SYNM: variants seen among roughly 807,000 people sequenced by gnomAD.
SYNM encodes desmuslin.
A neutral mutation model predicts 104.0 loss-of-function variants in SYNM; 95 were observed. The ratio of observed to expected loss-of-function variants is 0.91; its 90% CI spans 0.77 to 1.08. SYNM has a LOEUF of 1.08. SYNM is among the 50% of genes least tolerant of loss of function. The pLI, the probability that SYNM is intolerant of heterozygous loss-of-function variation, is 0.00. For missense variants in SYNM, 2,150 were observed against 2,052.2 expected, an observed-to-expected ratio of 1.05 and a Z score of -0.92; for synonymous variants, 918 against 869.0, an observed-to-expected ratio of 1.06 and a Z score of -0.99.
chr15:99,137,702 C>T (rs950415284), downstream of SYNM: 4 of 338,726 alleles, frequency 1.2e-5, no homozygotes, highest in Admixed American at 4.0e-5. Flanking sequence ...CTGCACAGGG[C>T]GCACTGAACT....
intron 1 of SYNM, among the ~76,000 whole-genome samples, chr15:99,112,672 C>T (rs1555483518): frequency 6.6e-6 from 1 of 152,152 alleles, no homozygotes; most frequent in African/African-American, 2.4e-5. Flanking sequence ...CCCTTACTAG[C>T]TGCACTGTGC....
chr15:99,115,419 A>T (rs202166868), intron 2 of SYNM, among the ~76,000 whole-genome samples: 1 of 146,302 alleles, frequency 6.8e-6, no homozygotes, highest in African/African-American at 2.5e-5. Context: ...TTTTTTTTTC[A>T]TTTTTTTTAT....
rs1160698429 is a variant in SYNM at position 99,126,791 on chromosome 15, A to G, written c.1005A>G (p.Ser335=). The G allele has an allele frequency of 6.4e-7, 1 of 1,564,622 alleles. No individual in the cohort carries two copies. The highest frequency in any genetic ancestry group is 1.4e-5 in the African/African-American group (1 of 73,648). Residue 335 remains serine (S), a splice_region_variant and synonymous_variant, in exon 3 of 4, where the codon TCA becomes TCG. Transcript: ENST00000336292. The part of the protein sequence containing the change: ...IWAEHVENMP[S]EFRNKSYHYT... ...CTGAGCACGTTGAAAACATGCCGTC[A>G]GGTAAGTAAAAGCTAATGACTTGAC...
Position 99,116,983 on chromosome 15 carries a change from G to A in SYNM, c.935+3268G>A, listed in dbSNP as rs1227395222. Among the ~76,000 whole-genome samples the A allele has an allele frequency of 1.4e-5, 2 of 143,878 alleles. 1 individual carries two copies. The highest frequency in any genetic ancestry group is 5.0e-5 in the African/African-American group (2 of 40,306). The allele number at this position is 143,878 out of a possible 152,430, so 94.4% of individuals were successfully genotyped here. ...AGCCCCTGTGCCTAGCCGGTGCTGG[G>A]TTCTTTTAAACAACCAGATCTCATG... On this transcript the variant is annotated intron_variant, in intron 2 of 3. Coordinates refer to ENST00000336292, the MANE Select transcript of SYNM (RefSeq NM_145728.3).
Position 99,132,891 on chromosome 15 carries a change from G to A in SYNM, c.4531G>A (p.Glu1511Lys). Residue 1511 changes from glutamate to lysine, a missense_variant, in exon 4 of 4, where the codon GAA becomes AAA. Coordinates refer to ENST00000336292, the MANE Select transcript of SYNM (RefSeq NM_145728.3). ...TGTGAGCTTTAAGGCCTCTGCTGGG[G>A]AAGGAGACCAGGCCCACAGAGAACA... is the stretch of plus-strand genomic sequence containing the variant. ...VGVSFKASAG[E>K]GDQAHREQGK... 1 of 1,613,818 alleles carries A rather than the reference G, an allele frequency of 6.2e-7. No individual in the cohort carries two copies. The highest frequency in any genetic ancestry group is 1.1e-5 in the South Asian group (1 of 91,056).
intron 1 of SYNM, among the ~76,000 whole-genome samples, chr15:99,108,801 T>G (rs906341471): frequency 2.0e-5 from 3 of 152,190 alleles, no homozygotes; most frequent in Non-Finnish European, 4.4e-5. Flanking sequence ...GTTTCTCTCT[T>G]CTGTCTGTTT....
At chr15:99,118,706 T>TA (rs1384893408) in intron 2 of SYNM, among the ~76,000 whole-genome samples, 3 of 152,102 alleles carry the variant, frequency 2.0e-5, no homozygotes, top group Admixed American at 6.5e-5. Flanking sequence ...TATAATTTAA[T>TA]AAAATAAACA....
chr15:99,137,990 G>A, downstream of SYNM: 2 of 1,614,052 alleles, frequency 1.2e-6, no homozygotes, highest in Non-Finnish European at 1.7e-6. Context: ...AATGTCCTAG[G>A]CTTTTTCAGG....
At position 99,113,528 on chromosome 15, in the gene SYNM, A is replaced by G. The variant is rs1205841907; in HGVS notation, c.811-63A>G. 4 of 1,598,480 alleles carry G rather than the reference A, an allele frequency of 2.5e-6. No homozygotes were observed. The African/African-American group carries it at 4.0e-5, about 16-fold the overall frequency. On this transcript the variant is annotated intron_variant, in intron 1 of 3. Transcript: ENST00000336292. Reference sequence around the variant, plus strand: ...TTCAATTCGATCCTGAATTGTTGGTACCTTCAGTTCGACCCAGTAAAGCTC... The same window carrying G: ...TTCAATTCGATCCTGAATTGTTGGTGCCTTCAGTTCGACCCAGTAAAGCTC...
chr15:99,105,673 C>T lies in SYNM; in HGVS notation c.474C>T (p.Arg158=), dbSNP rs782128496. 1 of 1,417,474 alleles carries T rather than the reference C, an allele frequency of 7.1e-7. No individual in the cohort carries two copies. The highest frequency in any genetic ancestry group is 1.5e-5 in the South Asian group (1 of 66,994). 87.8% of individuals were successfully genotyped at this position (1,417,474 alleles called of 1,614,324 possible). Residue 158 remains arginine, a synonymous_variant, in exon 1 of 4, where the codon CGC becomes CGT. Coordinates refer to ENST00000336292, the MANE Select transcript of SYNM (RefSeq NM_145728.3). The part of the protein sequence containing the change: ...HERDVRELRA[R]AASLTMHFRA... ...GCGACGTGAGGGAGCTGCGCGCGCG[C>T]GCCGCCAGCCTTACCATGCATTTCC...
At position 99,131,885 on chromosome 15, in the gene SYNM, G is replaced by C; in HGVS notation, c.3525G>C (p.Thr1175=). 6.2e-7 allele frequency: 1 copy of C among 1,613,940 alleles called. No homozygotes were observed. Among genetic ancestry groups the C allele is most frequent in the South Asian group, 1.1e-5 (1 of 91,086 alleles). The change falls in exon 4 of 4, where the codon ACG becomes ACC. Residue 1175 remains threonine (T), a synonymous_variant. Coordinates refer to ENST00000336292, the MANE Select transcript of SYNM (RefSeq NM_145728.3). This position sits in a 1 kb window ranked among gnomAD's most constrained non-coding sequence, Gnocchi z 4.3. ...TGASRSVRHV[T]LGPGQSPLSR... The stretch of plus-strand genomic sequence containing the variant: ...CCAGCCGGTCTGTGAGGCATGTCAC[G>C]CTGGGTCCCGGTCAAAGTCCACTGT...
Position 99,130,561 on chromosome 15 carries a change from T to C in SYNM, c.2201T>C (p.Leu734Pro). ...QMIGDIINLGLKGREGRAKVV... is the reference protein window; with the variant it reads ...QMIGDIINLGPKGREGRAKVV... ...ATAGGAGACATCATCAACCTCGGCC[T>C]GAAAGGGAGGGAGGGGAGAGCAAAG... Residue 734 changes from leucine (L) to proline (P), a missense_variant, in exon 4 of 4, where the codon CTG becomes CCG. Leu to Pro is a moderately conservative substitution (Grantham distance 98, BLOSUM62 -3). Transcript: ENST00000336292. The C allele has an allele frequency of 6.2e-7, 1 of 1,613,582 alleles. No individual in the cohort carries two copies. The highest frequency in any genetic ancestry group is 8.5e-7 in the Non-Finnish European group (1 of 1,179,754).
At chr15:99,140,496 A>C (rs1221530115), downstream of SYNM, 1 of 152,004 alleles carries the variant, frequency 6.6e-6, no homozygotes, top group African/African-American at 2.4e-5. Flanking sequence ...CAGCCTCCCG[A>C]GTAGCTGAGA....
At chr15:99,109,766 C>A (rs1419127944) in intron 1 of SYNM, among the ~76,000 whole-genome samples, 3 of 152,102 alleles carry the variant, frequency 2.0e-5, no homozygotes, top group Non-Finnish European at 4.4e-5. Context: ...CAAAGAAAGT[C>A]CCTTGACCTG....
At chr15:99,135,772 A>G (rs2067566416), downstream of SYNM, among the ~76,000 whole-genome samples, 1 of 152,234 alleles carries the variant, frequency 6.6e-6, no homozygotes, top group Admixed American at 6.5e-5. Context: ...CAATATTGGG[A>G]GCACAGAGCT....
At chr15:99,138,368 C>T (rs1159885905), downstream of SYNM, among the ~76,000 whole-genome samples, 1 of 151,652 alleles carries the variant, frequency 6.6e-6, no homozygotes, top group East Asian at 1.9e-4. Flanking sequence ...GGCTGGAGTG[C>T]AGTGGCCCCA....
rs1555485470 is a variant in SYNM at position 99,129,820 on chromosome 15, C to T, written c.1460C>T (p.Thr487Ile). The stretch of plus-strand genomic sequence containing the variant: ...GTGGCAGCAGGTGCTTCGGAAAGCA[C>T]ACGGTCAAATGAGAGGACCGTCATT... ...DKVAAGASESTRSNERTVILG... is the reference protein window; with the variant it reads ...DKVAAGASESIRSNERTVILG... Residue 487 changes from threonine (T) to isoleucine (I), a missense_variant, in exon 4 of 4, where the codon ACA becomes ATA. Physicochemically the swap from Thr to Ile is moderately conservative, Grantham distance 89. Transcript: ENST00000336292. The T allele has an allele frequency of 1.9e-6, 3 of 1,613,550 alleles. No individual in the cohort carries two copies. The highest frequency in any genetic ancestry group is 1.7e-6 in the Non-Finnish European group (2 of 1,179,792).
At chr15:99,111,820 GGATCACCT>G (rs1555483429) in intron 1 of SYNM, among the ~76,000 whole-genome samples, 1 of 152,210 alleles carries the variant, frequency 6.6e-6, no homozygotes, top group Non-Finnish European at 1.5e-5. Flanking sequence ...TGAGGCGGGA[GGATCACCT>G]GAGGTCAGGA....
chr15:99,113,522 G>T, intron 1 of SYNM, 69 bp from the exon 2 acceptor site: 2 of 1,593,040 alleles, frequency 1.3e-6, no homozygotes, highest in Non-Finnish European at 1.7e-6. Flanking sequence ...ATCCTGAATT[G>T]TTGGTACCTT....
Sources: allele counts gnomAD v4.1 joint callset (sites outside exome capture counted in the v4.1 genomes callset), GRCh38; gene constraint gnomAD v4.1.1; non-coding constraint Gnocchi (gnomAD v3.1); transcripts MANE v1.5; gene names NCBI Gene and HGNC (gene_info 2026-07-23, HGNC 2026-07-21).